The following MEIS2 variants were observed in gnomAD, a reference collection of about 807,000 sequenced individuals.
MEIS2 encodes the protein Meis homeobox 2.
In MEIS2, 9 loss-of-function variants were observed where a neutral mutation model predicts 58.6. The observed-to-expected ratio is 0.15, with a 90% CI of 0.09 to 0.27. MEIS2 has a LOEUF of 0.27. Ranked by LOEUF, MEIS2 falls within the 10% of genes least tolerant of loss-of-function variation. The probability of loss-of-function intolerance (pLI) is 1.00; values close to 1 mark genes in which losing one functional copy is unlikely to be tolerated. For missense variants in MEIS2, 427 were observed against 635.0 expected (o/e 0.67, Z 3.52); for synonymous variants, 221 against 228.4 (o/e 0.97, Z 0.29).
chr15:37,026,638 G>A (rs1390377872), intron 8 of MEIS2, among the ~76,000 whole-genome samples: 2 of 152,072 alleles, frequency 1.3e-5, no homozygotes, highest in African/African-American at 4.8e-5. Context: ...CGGGGGGAGA[G>A]TGGTGGCTGG....
At chr15:36,956,021 CAAAAAAAAAAAAAAA>C (rs757524401) in intron 8 of MEIS2, among the ~76,000 whole-genome samples, 2 of 46,618 alleles carry the variant, frequency 4.3e-5, no homozygotes, top group Non-Finnish European at 7.6e-5. Context: ...ACTAAAAATA[CAAAAAAAAAAAAAAA>C]AAAAAAAAAA....
intron 7 of MEIS2, among the ~76,000 whole-genome samples, chr15:37,045,690 T>G (rs1315190177): frequency 6.6e-6 from 1 of 152,178 alleles, no homozygotes; most frequent in Non-Finnish European, 1.5e-5. Flanking sequence ...TGCTAATTAC[T>G]GATCTCTTTT....
chr15:36,977,897 C>T (rs1321823136), intron 8 of MEIS2, among the ~76,000 whole-genome samples: 2 of 152,172 alleles, frequency 1.3e-5, no homozygotes, highest in African/African-American at 4.8e-5. Context: ...AACCTGAATT[C>T]CACTCCATTT....
chr15:37,101,288 C>T (rs1013162518), upstream of MEIS2: 1 of 144,614 alleles, frequency 6.9e-6, no homozygotes, highest in Non-Finnish European at 1.5e-5. Flanking sequence ...CATCTGGGTC[C>T]GATGTAGCCA....
At chr15:36,930,233 GAA>G (rs944116128) in intron 9 of MEIS2, among the ~76,000 whole-genome samples, 2 of 137,494 alleles carry the variant, frequency 1.5e-5, no homozygotes, top group South Asian at 4.6e-4. Flanking sequence ...GAGAGAGAGA[GAA>G]AAAAAAAGTT....
chr15:37,006,551 T>C (rs935893100), intron 8 of MEIS2, among the ~76,000 whole-genome samples: 1 of 152,200 alleles, frequency 6.6e-6, no homozygotes, highest in Non-Finnish European at 1.5e-5. Context: ...CTTCCTTCAT[T>C]ACCTATCTTG....
At chr15:36,930,715 T>A (rs2057944278) in intron 9 of MEIS2, among the ~76,000 whole-genome samples, 1 of 152,216 alleles carries the variant, frequency 6.6e-6, no homozygotes, top group South Asian at 2.1e-4. Context: ...AGAGGAAAGA[T>A]ACAAGACTGG....
In MEIS2 at chr15:37,100,303, C is replaced by A. The variant is rs977562722; in HGVS notation, c.-837G>T. The A allele has an allele frequency of 6.6e-6, 1 of 151,686 alleles. No individual in the cohort carries two copies. Among genetic ancestry groups the A allele is most frequent in the Non-Finnish European group, 1.5e-5 (1 of 68,036 alleles). The allele number at this position is 151,686 out of a possible 1,614,324, so 9.4% of individuals were successfully genotyped here. A position where few individuals can be genotyped will look rare whatever the true frequency, so the allele number is the denominator to read the frequency against. On this transcript the variant is annotated 5_prime_UTR_variant, in exon 1 of 12. Coordinates refer to ENST00000561208, the MANE Select transcript of MEIS2 (RefSeq NM_170675.5). ...ACTCGCGCTCGCTCTCTCGCGCTCGCTCTCTCTCGCTCTCTTTCTCTCTCT... is the reference window on the plus strand; with the variant it reads ...ACTCGCGCTCGCTCTCTCGCGCTCGATCTCTCTCGCTCTCTTTCTCTCTCT...
chr15:36,915,956 CT>C (rs746870611), intron 9 of MEIS2, among the ~76,000 whole-genome samples: 1 of 152,136 alleles, frequency 6.6e-6, no homozygotes, highest in Non-Finnish European at 1.5e-5. Context: ...GGTTATCAGT[CT>C]TCTAAACTAC....
In MEIS2 at chr15:36,976,336, G is replaced by A. The variant is rs546450269; in HGVS notation, c.901-25936C>T. ...CCTGACCTTGTGATTCACCCGCCTT[G>A]GCCTCCCAAAGTGCTGGGATTACAG... is the stretch of plus-strand genomic sequence containing the variant. On this transcript the variant is annotated intron_variant, in intron 8 of 11. Coordinates refer to ENST00000561208, the MANE Select transcript of MEIS2 (RefSeq NM_170675.5). 4.6e-5 allele frequency among the ~76,000 whole-genome samples: 7 copies of A among 151,834 alleles called. No individual in the cohort carries two copies. In the South Asian group the frequency reaches 1.5e-3, roughly 32 times the overall value.
chr15:37,078,746 A>AG (rs1383789943), intron 7 of MEIS2, among the ~76,000 whole-genome samples: 10 of 151,976 alleles, frequency 6.6e-5, no homozygotes, highest in African/African-American at 2.4e-4. Context: ...ATGAAACAGC[A>AG]GGGAACGTGG....
At chr15:37,083,687 G>T in intron 7 of MEIS2, 84 bp downstream of exon 7, 1 of 1,065,068 alleles carries the variant, frequency 9.4e-7, no homozygotes, top group Non-Finnish European at 1.4e-6. Context: ...CTGTTTACAT[G>T]GCGGCAGATG....
At chr15:37,058,681 C>G (rs1250497786) in intron 7 of MEIS2, among the ~76,000 whole-genome samples, 2 of 152,180 alleles carry the variant, frequency 1.3e-5, no homozygotes, top group Non-Finnish European at 2.9e-5. Flanking sequence ...TTTCTATTAC[C>G]ACTTGTCTCT....
At chr15:37,075,448 A>T (rs1891274259) in intron 7 of MEIS2, among the ~76,000 whole-genome samples, 1 of 152,090 alleles carries the variant, frequency 6.6e-6, no homozygotes, top group African/African-American at 2.4e-5. Flanking sequence ...AATAATTTTT[A>T]TCTCTTAAAG....
intron 8 of MEIS2, among the ~76,000 whole-genome samples, chr15:36,951,752 A>C (rs1567096615): frequency 6.6e-6 from 1 of 152,164 alleles, no homozygotes; most frequent in South Asian, 2.1e-4. Context: ...AATGAAAATA[A>C]ATTTTTCTGA....
chr15:37,099,721 T>A lies in MEIS2; in HGVS notation c.-255A>T, dbSNP rs1457913854. ...CTCCTCCTGATCTTCCTCCTCCTCC[T>A]CCACCTCCTCCTCCTCCCCCCTCCC... On this transcript the variant is annotated 5_prime_UTR_variant, in exon 1 of 12. Coordinates refer to ENST00000561208, the MANE Select transcript of MEIS2 (RefSeq NM_170675.5). 3.7e-5 allele frequency: 15 copies of A among 407,012 alleles called. No individual in the cohort carries two copies. Among genetic ancestry groups the A allele is most frequent in the East Asian group, 8.1e-5 (2 of 24,730 alleles). The allele number at this position is 407,012 out of a possible 1,614,324, so 25.2% of individuals were successfully genotyped here.
intron 9 of MEIS2, among the ~76,000 whole-genome samples, chr15:36,945,520 A>G (rs1043461129): frequency 3.9e-5 from 6 of 152,062 alleles, no homozygotes; most frequent in African/African-American, 1.4e-4. Context: ...GGGAAAGAGA[A>G]GAAGGCTAGA....
At chr15:36,901,678 A>C (rs940056106) in intron 9 of MEIS2, among the ~76,000 whole-genome samples, 3 of 152,206 alleles carry the variant, frequency 2.0e-5, no homozygotes, top group African/African-American at 7.2e-5. Context: ...AATACTAATA[A>C]ATTTATAATA....
chr15:36,902,122 C>G (rs1302659274), intron 9 of MEIS2, among the ~76,000 whole-genome samples: 1 of 152,140 alleles, frequency 6.6e-6, no homozygotes, highest in Admixed American at 6.6e-5. Context: ...TATGCAAGAT[C>G]CTTAGCACAA....
Sources: gnomAD v4.1 joint callset for allele counts (sites outside exome capture counted in the v4.1 genomes callset) on GRCh38, gnomAD v4.1.1 for gene constraint, MANE v1.5 for transcripts, NCBI Gene and HGNC (gene_info 2026-07-23, HGNC 2026-07-21) for gene names.